Variants in KCNH1 observed in about 807,000 individuals in gnomAD.
KCNH1 encodes potassium voltage-gated channel subfamily H member 1, also known as voltage-gated delayed rectifier potassium channel KCNH1.
KCNH1 carries 27 observed loss-of-function variants against 69.2 expected under a neutral mutation model. The observed-to-expected ratio is 0.39, with a 90% CI of 0.29 to 0.54. The LOEUF (loss-of-function observed/expected upper bound fraction) is 0.54, where lower values mean the gene tolerates loss of function less well. Among genes scored for constraint, KCNH1 ranks in the 20% least tolerant of loss-of-function variants. The pLI, the probability that KCNH1 is intolerant of heterozygous loss-of-function variation, is 0.68. For synonymous variants in KCNH1, 456 were observed against 487.7 expected (o/e 0.93, Z 0.86); for missense variants, 798 against 1,261.6 (o/e 0.63, Z 5.57).
intron 9 of KCNH1, among the ~76,000 whole-genome samples, chr1:210,781,396 G>T (rs1683981134): frequency 6.6e-6 from 1 of 152,080 alleles, no homozygotes. Context: ...CTTCCCTAGG[G>T]TATCAGGAAG....
chr1:210,883,173 G>T (rs912622793), intron 7 of KCNH1, among the ~76,000 whole-genome samples: 1 of 152,210 alleles, frequency 6.6e-6, no homozygotes, highest in South Asian at 2.1e-4. Context: ...CTAGGCTTTT[G>T]CAGAGAAATG....
At chr1:210,873,861 G>T (rs1264075886) in intron 7 of KCNH1, among the ~76,000 whole-genome samples, 1 of 152,132 alleles carries the variant, frequency 6.6e-6, no homozygotes, top group Non-Finnish European at 1.5e-5. Context: ...TGAGATAGTA[G>T]TGAAAAAATA....
At chr1:210,775,683 A>G (rs1683846195) in intron 9 of KCNH1, 139 bp from the exon 10 acceptor site, 1 of 609,426 alleles carries the variant, frequency 1.6e-6, no homozygotes, top group African/African-American at 1.8e-5. Context: ...CACTATTTTA[A>G]CGTGAACCTT....
intron 7 of KCNH1, among the ~76,000 whole-genome samples, chr1:210,888,446 G>T (rs1411732620): frequency 6.6e-6 from 1 of 152,024 alleles, no homozygotes; most frequent in Non-Finnish European, 1.5e-5. Flanking sequence ...AACGCCCACA[G>T]GAGAAAGCAG....
At chr1:211,041,796 C>T (rs563173273) in intron 5 of KCNH1, among the ~76,000 whole-genome samples, 1 of 152,182 alleles carries the variant, frequency 6.6e-6, no homozygotes, top group African/African-American at 2.4e-5. Context: ...ACTCTGTGGC[C>T]GAGGCTGGAG....
At chr1:210,849,287 T>C (rs575092797) in intron 7 of KCNH1, among the ~76,000 whole-genome samples, 6 of 152,246 alleles carry the variant, frequency 3.9e-5, no homozygotes, top group African/African-American at 1.4e-4. Flanking sequence ...CTTGGAGGAT[T>C]TGAATTAGAA....
chr1:210,728,753 A>C (rs1371425246), intron 10 of KCNH1, among the ~76,000 whole-genome samples: 2 of 152,238 alleles, frequency 1.3e-5, no homozygotes, highest in Non-Finnish European at 2.9e-5. Context: ...GCTTGAATAG[A>C]CAGCCCCTTA....
At chr1:210,738,868 G>A (rs1042629627) in intron 10 of KCNH1, among the ~76,000 whole-genome samples, 3 of 152,016 alleles carry the variant, frequency 2.0e-5, no homozygotes, top group African/African-American at 7.2e-5. Flanking sequence ...GCCTGACCTC[G>A]ATTCTATTGT....
At chr1:210,821,258 G>A (rs1479923550) in intron 7 of KCNH1, among the ~76,000 whole-genome samples, 2 of 152,136 alleles carry the variant, frequency 1.3e-5, no homozygotes, top group African/African-American at 4.8e-5. Flanking sequence ...ATGAATTGGG[G>A]AAGGGAGATA....
chr1:210,914,058 C>A (rs1439988351), intron 7 of KCNH1, among the ~76,000 whole-genome samples: 3 of 152,116 alleles, frequency 2.0e-5, no homozygotes, highest in African/African-American at 7.2e-5. Context: ...AGCAGAGAAA[C>A]CTGGGTCTCT....
At chr1:210,933,422 G>A (rs1687716644) in intron 6 of KCNH1, among the ~76,000 whole-genome samples, 1 of 151,998 alleles carries the variant, frequency 6.6e-6, no homozygotes, top group South Asian at 2.1e-4. Flanking sequence ...TAAATGATGA[G>A]TTAATGGGTG....
chr1:211,046,546 A>G (rs1014565487), intron 5 of KCNH1, among the ~76,000 whole-genome samples: 2 of 152,120 alleles, frequency 1.3e-5, no homozygotes, highest in Non-Finnish European at 2.9e-5. Context: ...GGTACCTACT[A>G]TTATCATTCC....
chr1:210,825,521 T>G (rs533291562), intron 7 of KCNH1, among the ~76,000 whole-genome samples: 2 of 152,334 alleles, frequency 1.3e-5, no homozygotes, highest in Non-Finnish European at 2.9e-5. Flanking sequence ...ACTATCAGTG[T>G]AAATATCAAT....
chr1:211,116,481 C>A (rs1227970219), intron 1 of KCNH1, among the ~76,000 whole-genome samples: 1 of 152,194 alleles, frequency 6.6e-6, no homozygotes, highest in Non-Finnish European at 1.5e-5. Context: ...GCAGGCAATA[C>A]TTACCTTTCC....
intron 7 of KCNH1, among the ~76,000 whole-genome samples, chr1:210,885,715 C>T (rs1300263527): frequency 6.6e-6 from 1 of 152,068 alleles, no homozygotes; most frequent in Non-Finnish European, 1.5e-5. Flanking sequence ...GGGGGAGAGG[C>T]GTCCACCATT....
At chr1:210,945,397 A>G (rs746826392) in intron 6 of KCNH1, among the ~76,000 whole-genome samples, 1 of 152,222 alleles carries the variant, frequency 6.6e-6, no homozygotes, top group Non-Finnish European at 1.5e-5. Flanking sequence ...CATTTTACAA[A>G]GAAGGAAACT....
intron 6 of KCNH1, among the ~76,000 whole-genome samples, chr1:210,931,809 CA>C (rs1414428342): frequency 6.8e-6 from 1 of 147,408 alleles, no homozygotes; most frequent in African/African-American, 2.5e-5. Flanking sequence ...GAGAAAAAAA[CA>C]GAAATCTTGG....
chr1:211,103,608 A>G lies in KCNH1; in HGVS notation c.204-6T>C. 4 of 1,583,240 alleles carry G rather than the reference A, an allele frequency of 2.5e-6. No individual in the cohort carries two copies. Among genetic ancestry groups the G allele is most frequent in the Non-Finnish European group, 3.5e-6 (4 of 1,156,420 alleles). On this transcript the variant is annotated splice_region_variant and splice_polypyrimidine_tract_variant and intron_variant, in intron 2 of 10. Transcript: ENST00000271751. ...TCAGCTCCCCATACATAAAACTGCAAACAACCAAAGAACTCAAGTTAGATT... is the reference window on the plus strand; with the variant it reads ...TCAGCTCCCCATACATAAAACTGCAGACAACCAAAGAACTCAAGTTAGATT...
At chr1:210,911,304 C>A (rs943958668) in intron 7 of KCNH1, among the ~76,000 whole-genome samples, 1 of 152,186 alleles carries the variant, frequency 6.6e-6, no homozygotes, top group African/African-American at 2.4e-5. Context: ...CCATAACAAG[C>A]TGTCCTTTCC....
Sources: gnomAD v4.1 joint callset for allele counts (sites outside exome capture counted in the v4.1 genomes callset) on GRCh38, gnomAD v4.1.1 for gene constraint, MANE v1.5 for transcripts, NCBI Gene and HGNC (gene_info 2026-07-23, HGNC 2026-07-21) for gene names.